PLA2G4F: variants seen among roughly 807,000 people sequenced by gnomAD.
PLA2G4F encodes the protein phospholipase A2 group IVF, also known as cytosolic phospholipase A2 zeta.
Under a neutral mutation model 103.1 loss-of-function variants are expected in PLA2G4F, and 105 were observed. That is an observed-to-expected ratio of 1.02 (90% CI 0.87 to 1.20). PLA2G4F has a LOEUF of 1.20. PLA2G4F is among the 50% of genes most tolerant of loss of function. The pLI, the probability that PLA2G4F is intolerant of heterozygous loss-of-function variation, is 0.00. For missense variants in PLA2G4F, 1,155 were observed against 1,075.9 expected, an observed-to-expected ratio of 1.07 and a Z score of -1.03; for synonymous variants, 468 against 441.1, an observed-to-expected ratio of 1.06 and a Z score of -0.76.
At chr15:42,152,973 C>T (rs1395440276) in intron 6 of PLA2G4F, among the ~76,000 whole-genome samples, 2 of 152,182 alleles carry the variant, frequency 1.3e-5, no homozygotes, top group East Asian at 3.8e-4. Flanking sequence ...CATACCTAGC[C>T]CCTCTCCCCA....
intron 12 of PLA2G4F, 110 bp from the exon 13 acceptor site, chr15:42,147,456 T>C (rs893790766): frequency 7.2e-7 from 1 of 1,384,622 alleles, no homozygotes; most frequent in Non-Finnish European, 1.0e-6. Flanking sequence ...ACTGCTGCCC[T>C]GCAAACAACC....
Position 42,151,514 on chromosome 15 carries a change from G to A in PLA2G4F, c.602-737C>T, listed in dbSNP as rs151308686. ...CGCAGACAGCCTCCCAGGAGTCCCA[G>A]CCCCTAACACAACATGGAAGCAACA... is the stretch of plus-strand genomic sequence containing the variant. On this transcript the variant is annotated intron_variant, in intron 7 of 19. Transcript: ENST00000397272. 687 of 985,254 alleles carry A rather than the reference G, an allele frequency of 7.0e-4. 15 individuals carry two copies. The East Asian group carries it at 0.048, about 68-fold the overall frequency. 61.0% of individuals were successfully genotyped at this position (985,254 alleles called of 1,614,324 possible).
chr15:42,145,718 G>A, intron 15 of PLA2G4F, 36 bp from the exon 16 acceptor site: 1 of 1,613,476 alleles, frequency 6.2e-7, no homozygotes, highest in Non-Finnish European at 8.5e-7. Context: ...CCACGTCAGG[G>A]CCTGGCCCCG....
At chr15:42,155,458 G>T in intron 2 of PLA2G4F, 59 bp downstream of exon 2, 2 of 1,560,602 alleles carry the variant, frequency 1.3e-6, no homozygotes, top group South Asian at 1.1e-5. Context: ...AGCCTGAGCT[G>T]AGCTCTGAGG....
chr15:42,145,983 C>T (rs2048880588), intron 14 of PLA2G4F, 80 bp from the exon 15 acceptor site: 2 of 1,595,330 alleles, frequency 1.3e-6, no homozygotes, highest in Admixed American at 1.7e-5. Context: ...TTAGCCTTGA[C>T]AATGACAGGA....
At chr15:42,150,865 C>T (rs558530597) in intron 7 of PLA2G4F, 88 bp from the exon 8 acceptor site, 3 of 1,517,212 alleles carry the variant, frequency 2.0e-6, no homozygotes, top group Non-Finnish European at 1.8e-6. Context: ...CAGCAGCAAC[C>T]CCTCCCTTCT....
intron 5 of PLA2G4F, 46 bp downstream of exon 5, chr15:42,153,574 C>T: frequency 6.2e-7 from 1 of 1,611,512 alleles, no homozygotes; most frequent in Admixed American, 1.7e-5. Flanking sequence ...GCTGCCCTGA[C>T]TCAAATCTCT....
intron 18 of PLA2G4F, 44 bp downstream of exon 18, chr15:42,143,934 C>T: frequency 6.5e-7 from 1 of 1,545,320 alleles, no homozygotes; most frequent in African/African-American, 1.4e-5. Flanking sequence ...CCCTTTCTGT[C>T]CACTCACTGC....
chr15:42,142,630 C>T lies in PLA2G4F; in HGVS notation c.2227G>A (p.Ala743Thr), dbSNP rs749272100. The change falls in exon 19 of 20, where the codon GCC (alanine) becomes ACC (threonine). Residue 743 changes from alanine to threonine, a missense_variant. By Grantham distance (58) the Ala-to-Thr change is moderately conservative. This residue lies in a region of PLA2G4F where 782 missense variants were observed against 692.9 expected (regional missense o/e 1.13). Coordinates refer to ENST00000397272, the MANE Select transcript of PLA2G4F (RefSeq NM_213600.4). Reference protein sequence around the residue: ...IEVGPEDMEEARECYLFAKAE... With the variant: ...IEVGPEDMEETRECYLFAKAE... The stretch of plus-strand genomic sequence containing the variant: ...TTGGCAAACAGATAGCACTCACGGG[C>T]CTCCTCCATGTCCTCAGGGCCCACC... The T allele has an allele frequency of 2.5e-5, 41 of 1,614,014 alleles. 1 individual carries two copies. Among genetic ancestry groups the T allele is most frequent in the Middle Eastern group, 3.3e-4 (2 of 6,062 alleles).
chr15:42,144,343 AG>A, intron 17 of PLA2G4F, 106 bp downstream of exon 17: 2 of 1,478,354 alleles, frequency 1.4e-6, no homozygotes, highest in Non-Finnish European at 1.9e-6. Context: ...CATAGGCAGC[AG>A]GAGACCACAC....
chr15:42,147,519 T>C (rs1368537456), intron 12 of PLA2G4F, 107 bp downstream of exon 12: 3 of 1,446,876 alleles, frequency 2.1e-6, no homozygotes, highest in African/African-American at 1.4e-5. Context: ...CCTAACACCC[T>C]GGGAGGCAGG....
intron 11 of PLA2G4F, 170 bp downstream of exon 11, chr15:42,149,543 G>T (rs2048930650): frequency 1.0e-6 from 1 of 985,416 alleles, no homozygotes; most frequent in Non-Finnish European, 1.2e-6. Context: ...TTTGGCCAGG[G>T]CCGTTTGGCC....
chr15:42,153,607 T>C lies in PLA2G4F; in HGVS notation c.491+13A>G. 1 of 1,614,158 alleles carries C rather than the reference T, an allele frequency of 6.2e-7. No individual in the cohort carries two copies. The highest frequency in any genetic ancestry group is 8.5e-7 in the Non-Finnish European group (1 of 1,179,988). ...TCTGAGTCTCTGAGGGCGTTGGCTC[T>C]ACCAGAACTCACCTCTTCTCCAGAA... On this transcript the variant is annotated intron_variant, in intron 5 of 19. Coordinates refer to ENST00000397272, the MANE Select transcript of PLA2G4F (RefSeq NM_213600.4).
At position 42,141,995 on chromosome 15, in the gene PLA2G4F, C is replaced by A. The variant is rs1418593930; in HGVS notation, c.2539G>T (p.Ala847Ser). 1.2e-6 allele frequency: 2 copies of A among 1,613,576 alleles called. No individual in the cohort carries two copies. The highest frequency in any genetic ancestry group is 4.5e-5 in the East Asian group (2 of 44,878). ...GCTTCCTGCCTTGGTCAGGCCCCTGCCCTCTCCCGAGCCTGGTGCCGGTCC... is the reference window on the plus strand; with the variant it reads ...GCTTCCTGCCTTGGTCAGGCCCCTGACCTCTCCCGAGCCTGGTGCCGGTCC... ...ALDRHQARER[A>S]GA Residue 847 changes from alanine to serine, a missense_variant, in exon 20 of 20, where the codon GCA becomes TCA. Around this residue, in one of 3 missense-constraint regions of PLA2G4F, gnomAD observed 782 missense variants for 692.9 expected, o/e 1.13. Coordinates refer to ENST00000397272, the MANE Select transcript of PLA2G4F (RefSeq NM_213600.4).
Position 42,154,414 on chromosome 15 carries a change from A to C in PLA2G4F, c.229T>G (p.Ser77Ala), listed in dbSNP as rs1212302044. The change falls in exon 3 of 20, where the codon TCC becomes GCC. Residue 77 changes from serine (S) to alanine (A), a missense_variant. This residue lies in a region of PLA2G4F where 370 missense variants were observed against 364.9 expected (regional missense o/e 1.01). Transcript: ENST00000397272. ...CYVQLWLPTA[S>A]PSPAQTRIVA... ...ATCCTAGTCTGGGCAGGGCTTGGGG[A>C]CGCCGTGGGCAGCCACAGTTGCACA... 1.2e-6 allele frequency: 2 copies of C among 1,609,416 alleles called. No individual in the cohort carries two copies. Among genetic ancestry groups the C allele is most frequent in the Non-Finnish European group, 1.7e-6 (2 of 1,176,812 alleles).
At chr15:42,150,022 G>T (rs1394983973) in intron 10 of PLA2G4F, 82 bp downstream of exon 10, 1 of 1,591,952 alleles carries the variant, frequency 6.3e-7, no homozygotes, top group East Asian at 2.2e-5. Flanking sequence ...AGCTTCTTGG[G>T]CAAGAGAATG....
rs1376451783 is a variant in PLA2G4F at position 42,154,405 on chromosome 15, G to T, written c.238C>A (p.Pro80Thr). Residue 80 changes from proline (P) to threonine (T), a missense_variant, in exon 3 of 20, where the codon CCT becomes ACT. Pro to Thr is a conservative substitution (Grantham distance 38). This residue lies in a region of PLA2G4F where 370 missense variants were observed against 364.9 expected (regional missense o/e 1.01). Coordinates refer to ENST00000397272, the MANE Select transcript of PLA2G4F (RefSeq NM_213600.4). ...TTGGCCACTATCCTAGTCTGGGCAG[G>T]GCTTGGGGACGCCGTGGGCAGCCAC... ...QLWLPTASPS[P>T]AQTRIVANCS... is the part of the protein sequence containing the mutation. The T allele has an allele frequency of 6.2e-7, 1 of 1,610,594 alleles. No homozygotes were observed. Among genetic ancestry groups the T allele is most frequent in the Non-Finnish European group, 8.5e-7 (1 of 1,177,592 alleles).
rs1273073001 is a variant in PLA2G4F at position 42,154,137 on chromosome 15, G to A, written c.405C>T (p.Leu135=). 1 of 1,614,108 alleles carries A rather than the reference G, an allele frequency of 6.2e-7. No homozygotes were observed. Among genetic ancestry groups the A allele is most frequent in the Non-Finnish European group, 8.5e-7 (1 of 1,180,052 alleles). ...LSLLLFDLRS[L]KCGQPHKHTF... is the part of the protein sequence containing the mutation. Reference sequence around the variant, plus strand: ...TGTGTTTGTGAGGTTGGCCACACTTGAGGCTTCTCAGGTCAAACAGGAGCA... The same window carrying A: ...TGTGTTTGTGAGGTTGGCCACACTTAAGGCTTCTCAGGTCAAACAGGAGCA... Residue 135 remains leucine, a synonymous_variant, in exon 4 of 20, where the codon CTC becomes CTT. Coordinates refer to ENST00000397272, the MANE Select transcript of PLA2G4F (RefSeq NM_213600.4).
In PLA2G4F at chr15:42,155,570, T is replaced by C. The variant is rs751893967; in HGVS notation, c.131A>G (p.Tyr44Cys). 8 of 1,614,008 alleles carry C rather than the reference T, an allele frequency of 5.0e-6. No individual in the cohort carries two copies. The highest frequency in any genetic ancestry group is 1.7e-5 in the Admixed American group (1 of 60,016). ...CCTCAGCACCTTCACCTGGAGGTCA[T>C]AGTATGGGTAGGTTTCCCGCTGCAA... is the stretch of plus-strand genomic sequence containing the variant. ...RHWRRETYPYYDLQVKVLRAT... is the reference protein window; with the variant it reads ...RHWRRETYPYCDLQVKVLRAT... Residue 44 changes from tyrosine to cysteine, a missense_variant, in exon 2 of 20, where the codon TAT (tyrosine) becomes TGT (cysteine). Tyr to Cys is a radical substitution (Grantham distance 194, BLOSUM62 -2). Transcript: ENST00000397272.
Sources: allele counts gnomAD v4.1 joint callset (sites outside exome capture counted in the v4.1 genomes callset), GRCh38; gene constraint gnomAD v4.1.1; regional missense constraint gnomAD v4.1.1; transcripts MANE v1.5; gene names NCBI Gene and HGNC (gene_info 2026-07-23, HGNC 2026-07-21).